Variants in ANKS1B observed in about 807,000 individuals in gnomAD.
The protein encoded by ANKS1B is ankyrin repeat and sterile alpha motif domain containing 1B.
In ANKS1B, 36 loss-of-function variants were observed where a neutral mutation model predicts 148.3. The observed-to-expected ratio is 0.24, with a 90% CI of 0.19 to 0.32. ANKS1B has a LOEUF of 0.32. ANKS1B is among the 10% of genes least tolerant of loss of function. The pLI, the probability that ANKS1B is intolerant of heterozygous loss-of-function variation, is 1.00. For missense variants in ANKS1B, 1,157 were observed against 1,542.6 expected (o/e 0.75, Z 4.19); for synonymous variants, 542 against 560.8 (o/e 0.97, Z 0.47).
rs576747026 is a variant in ANKS1B at position 99,941,825 on chromosome 12, G to A, written c.134+42279C>T. ...TAAATGAAGAAAGGGAGAAGTCAAT[G>A]CCTCTCTTAAATTTTGAGAACAGAA... On this transcript the variant is annotated intron_variant, in intron 1 of 26. Transcript: ENST00000683438. Among the ~76,000 whole-genome samples the A allele has an allele frequency of 2.1e-3, 325 of 152,234 alleles. 1 individual carries two copies. The highest frequency in any genetic ancestry group is 7.3e-3 in the African/African-American group (302 of 41,558).
chr12:99,287,396 A>G (rs2079283425), intron 12 of ANKS1B, among the ~76,000 whole-genome samples: 1 of 152,186 alleles, frequency 6.6e-6, no homozygotes, highest in Non-Finnish European at 1.5e-5. Context: ...AAAGATTTAG[A>G]TCATAACACT....
At chr12:99,069,998 C>G (rs1042706449) in intron 16 of ANKS1B, among the ~76,000 whole-genome samples, 9 of 152,170 alleles carry the variant, frequency 5.9e-5, no homozygotes, top group Non-Finnish European at 1.2e-4. Flanking sequence ...GCTTTAATTT[C>G]TTCACCTGCA....
chr12:98,819,101 G>A (rs1448775592), intron 19 of ANKS1B, among the ~76,000 whole-genome samples: 1 of 152,150 alleles, frequency 6.6e-6, no homozygotes, highest in African/African-American at 2.4e-5. Flanking sequence ...ACATTACATA[G>A]TTGAAAAGGA....
chr12:99,390,212 G>A (rs2094010443), intron 12 of ANKS1B, among the ~76,000 whole-genome samples: 1 of 152,190 alleles, frequency 6.6e-6, no homozygotes, highest in African/African-American at 2.4e-5. Context: ...TGCAGTTAAT[G>A]GCACTGGCTT....
intron 3 of ANKS1B, among the ~76,000 whole-genome samples, chr12:99,809,917 G>C (rs1440839000): frequency 2.0e-5 from 3 of 152,002 alleles, no homozygotes; most frequent in Admixed American, 2.0e-4. Flanking sequence ...TAGTAGCTGT[G>C]ATGTTACGGT....
At chr12:99,756,777 C>T (rs1345023963) in intron 8 of ANKS1B, among the ~76,000 whole-genome samples, 82 of 149,992 alleles carry the variant, frequency 5.5e-4, no homozygotes, top group Non-Finnish European at 4.5e-5. Context: ...AGACCACACA[C>T]CAGAAATAAG....
At chr12:99,338,211 T>C (rs927816536) in intron 12 of ANKS1B, among the ~76,000 whole-genome samples, 16 of 152,182 alleles carry the variant, frequency 1.1e-4, no homozygotes, top group African/African-American at 3.9e-4. Context: ...GGTACTATTC[T>C]ACTGCAGCTG....
intron 3 of ANKS1B, among the ~76,000 whole-genome samples, chr12:99,809,511 T>C (rs1031760289): frequency 6.6e-6 from 1 of 151,934 alleles, no homozygotes; most frequent in Non-Finnish European, 1.5e-5. Context: ...AAGAGAAGGA[T>C]GTGGCAATTA....
chr12:99,746,996 T>C (rs1285498211), intron 8 of ANKS1B, among the ~76,000 whole-genome samples: 1 of 152,134 alleles, frequency 6.6e-6, no homozygotes. Context: ...GGAGTCATGC[T>C]ATATAATCTA....
chr12:99,783,073 C>T (rs1430269102), intron 4 of ANKS1B, among the ~76,000 whole-genome samples: 1 of 151,898 alleles, frequency 6.6e-6, no homozygotes, highest in East Asian at 1.9e-4. Context: ...CACCTGTAAT[C>T]CCAGCTACTC....
At position 98,744,154 on chromosome 12, in the gene ANKS1B, T is replaced by TTAAC. The variant is rs1312867492; in HGVS notation, c.*1581_*1584dup. On this transcript the variant is annotated 3_prime_UTR_variant, in exon 27 of 27. Coordinates refer to ENST00000683438, the MANE Select transcript of ANKS1B (RefSeq NM_001352186.2). The stretch of plus-strand genomic sequence containing the variant: ...TCCTGGTACCATATTTTAGTGTTAT[T>TTAAC]TAACTCTCATTTTGCTACATACATA... 1.0e-6 allele frequency: 1 copy of TTAAC among 985,564 alleles called. No homozygotes were observed. The highest frequency in any genetic ancestry group is 1.2e-6 in the Non-Finnish European group (1 of 829,774). 61.1% of individuals were successfully genotyped at this position (985,564 alleles called of 1,614,324 possible).
At chr12:99,436,157 C>T (rs962363484) in intron 11 of ANKS1B, among the ~76,000 whole-genome samples, 1 of 152,000 alleles carries the variant, frequency 6.6e-6, no homozygotes, top group Non-Finnish European at 1.5e-5. Flanking sequence ...TGTTCTTCCT[C>T]CTTTTTCAAA....
intron 17 of ANKS1B, among the ~76,000 whole-genome samples, chr12:98,902,086 A>C (rs908885115): frequency 2.6e-5 from 4 of 152,204 alleles, no homozygotes; most frequent in African/African-American, 4.8e-5. Flanking sequence ...AGGGACTTAT[A>C]CTTTTTCCTG....
At chr12:99,198,232 G>C (rs2081621430) in intron 14 of ANKS1B, among the ~76,000 whole-genome samples, 1 of 152,054 alleles carries the variant, frequency 6.6e-6, no homozygotes, top group Non-Finnish European at 1.5e-5. Context: ...ATTTATATTA[G>C]GCCAGGGACT....
At position 98,751,959 on chromosome 12, in the gene ANKS1B, C is replaced by T. The variant is rs572286998; in HGVS notation, c.3580-437G>A. 1.7e-3 allele frequency among the ~76,000 whole-genome samples: 258 copies of T among 152,326 alleles called. No individual in the cohort carries two copies. Among genetic ancestry groups the T allele is most frequent in the Non-Finnish European group, 3.0e-3 (203 of 68,018 alleles). Reference sequence around the variant, plus strand: ...ATGCATATCAGATTGCTTCCCCTGTCCTGTTGTTTCCCTAAGCCAGACTAA... The same window carrying T: ...ATGCATATCAGATTGCTTCCCCTGTTCTGTTGTTTCCCTAAGCCAGACTAA... On this transcript the variant is annotated intron_variant, in intron 25 of 26. Coordinates refer to ENST00000683438, the MANE Select transcript of ANKS1B (RefSeq NM_001352186.2). This position sits in a 1 kb window ranked among gnomAD's most constrained non-coding sequence, Gnocchi z 4.3.
intron 10 of ANKS1B, among the ~76,000 whole-genome samples, chr12:99,475,013 G>C (rs2096294485): frequency 6.6e-6 from 1 of 151,818 alleles, no homozygotes; most frequent in Non-Finnish European, 1.5e-5. Context: ...GAGGTGGGCA[G>C]ATAATTTTAG....
chr12:98,926,994 T>A (rs538979821), intron 17 of ANKS1B, among the ~76,000 whole-genome samples: 23 of 152,064 alleles, frequency 1.5e-4, no homozygotes, highest in Non-Finnish European at 3.1e-4. Flanking sequence ...TGATGAAAAC[T>A]ATTAATCCAC....
chr12:99,547,176 T>C (rs748237745), intron 9 of ANKS1B, among the ~76,000 whole-genome samples: 3 of 152,112 alleles, frequency 2.0e-5, no homozygotes, highest in South Asian at 4.1e-4. Flanking sequence ...TTCTAGATCT[T>C]AGACTTGAAG....
chr12:98,920,179 C>T (rs1162087574), intron 17 of ANKS1B, among the ~76,000 whole-genome samples: 3 of 152,214 alleles, frequency 2.0e-5, no homozygotes, highest in South Asian at 2.1e-4. Context: ...ATCTGTCTTA[C>T]TCTTCACATG....
Sources: gnomAD v4.1 joint callset for allele counts (sites outside exome capture counted in the v4.1 genomes callset) on GRCh38, gnomAD v4.1.1 for gene constraint, Gnocchi (gnomAD v3.1) non-coding constraint, MANE v1.5 for transcripts, NCBI Gene and HGNC (gene_info 2026-07-23, HGNC 2026-07-21) for gene names.